ARHGEF18: variants seen among roughly 807,000 people sequenced by gnomAD.
ARHGEF18 encodes the protein rho guanine nucleotide exchange factor 18.
In ARHGEF18, 93 loss-of-function variants were observed where a neutral mutation model predicts 155.7. That is an observed-to-expected ratio of 0.60 (90% CI 0.50 to 0.71). The LOEUF is 0.71. Ranked by LOEUF, ARHGEF18 falls within the 30% of genes least tolerant of loss-of-function variation. ARHGEF18 has a pLI of 0.00. For synonymous variants in ARHGEF18, 742 were observed against 753.1 expected, an observed-to-expected ratio of 0.99 and a Z score of 0.24; for missense variants, 1,593 against 1,816.1, an observed-to-expected ratio of 0.88 and a Z score of 2.23.
At chr19:7,433,507 C>A (rs1158758174) in intron 10 of ARHGEF18, among the ~76,000 whole-genome samples, 10 of 58,306 alleles carry the variant, frequency 1.7e-4, no homozygotes, top group South Asian at 8.1e-4. Context: ...ACTCCGTCTC[C>A]AAAAAAAAAA....
At position 7,468,147 on chromosome 19, in the gene ARHGEF18, G is replaced by A. The variant is rs150150121; in HGVS notation, c.3480+463G>A. On this transcript the variant is annotated intron_variant, in intron 26 of 28. Transcript: ENST00000668164. The stretch of plus-strand genomic sequence containing the variant: ...GCCCGGGAGAATGAGGCTGCCATGA[G>A]CCGTGATCACGCCACTGCACTCCAG... Among the ~76,000 whole-genome samples, 306 of 151,812 alleles carry A rather than the reference G, an allele frequency of 2.0e-3. 5 individuals carry two copies. The South Asian group carries it at 0.024, about 12-fold the overall frequency.
At chr19:7,356,572 C>A (rs1309421478) in intron 1 of ARHGEF18, among the ~76,000 whole-genome samples, 1 of 152,146 alleles carries the variant, frequency 6.6e-6, no homozygotes, top group African/African-American at 2.4e-5. Context: ...GCGCGCCCAG[C>A]CATCAAAGAG....
chr19:7,462,203 A>G lies in ARHGEF18; in HGVS notation c.2504A>G (p.Gln835Arg). 1 of 1,614,036 alleles carries G rather than the reference A, an allele frequency of 6.2e-7. No individual in the cohort carries two copies. Among genetic ancestry groups the G allele is most frequent in the Non-Finnish European group, 8.5e-7 (1 of 1,180,032 alleles). Residue 835 changes from glutamine (Q) to arginine (R), a missense_variant, in exon 21 of 29, where the codon CAG becomes CGG. By Grantham distance (43) the Gln-to-Arg change is conservative. Coordinates refer to ENST00000668164, the MANE Select transcript of ARHGEF18 (RefSeq NM_001367823.1). The surrounding 1 kb of genome is among the most constrained non-coding windows in gnomAD (Gnocchi z 4.4). ...QLIAQSLLEK[Q>R]QIYLEMAEMG... Reference sequence around the variant, plus strand: ...ATCGCACAGAGCCTCCTAGAGAAACAGCAGATCTACCTGGAGATGGCCGAG... The same window carrying G: ...ATCGCACAGAGCCTCCTAGAGAAACGGCAGATCTACCTGGAGATGGCCGAG...
chr19:7,469,907 C>T lies in ARHGEF18; in HGVS notation c.3791C>T (p.Ser1264Phe). 2 of 1,612,886 alleles carry T rather than the reference C, an allele frequency of 1.2e-6. No individual in the cohort carries two copies. Among genetic ancestry groups the T allele is most frequent in the Non-Finnish European group, 1.7e-6 (2 of 1,179,834 alleles). Residue 1264 changes from serine (S) to phenylalanine (F), a missense_variant, in exon 28 of 29, where the codon TCC (serine) becomes TTC (phenylalanine). By Grantham distance (155) the Ser-to-Phe change is radical (BLOSUM62 -2). Coordinates refer to ENST00000668164, the MANE Select transcript of ARHGEF18 (RefSeq NM_001367823.1). ...RGSQRWESSA[S>F]FDLKQQLLLN... ...CCAAATACCTTCTCTCTTCCAGCGT[C>T]CTTCGACCTGAAGCAGCAGCTGCTG...
At chr19:7,406,885 TCTA>T (rs1292455507) in intron 10 of ARHGEF18, among the ~76,000 whole-genome samples, 3 of 148,956 alleles carry the variant, frequency 2.0e-5, no homozygotes, top group Non-Finnish European at 4.5e-5. Flanking sequence ...AAACCCCGTC[TCTA>T]CTAAAAAAAA....
downstream of ARHGEF18, among the ~76,000 whole-genome samples, chr19:7,474,283 A>G (rs1374206903): frequency 1.3e-5 from 2 of 152,076 alleles, no homozygotes; most frequent in African/African-American, 4.8e-5. Flanking sequence ...GGTTGCAGTG[A>G]GCCGAGACTG....
At chr19:7,453,880 G>A (rs1006877626) in intron 17 of ARHGEF18, among the ~76,000 whole-genome samples, 165 bp downstream of exon 17, 1 of 152,062 alleles carries the variant, frequency 6.6e-6, no homozygotes, top group African/African-American at 2.4e-5. Context: ...TCTCTTGATT[G>A]GTGGCACTAT....
At chr19:7,451,103 T>C in intron 15 of ARHGEF18, 46 bp from the exon 16 acceptor site, 1 of 1,471,026 alleles carries the variant, frequency 6.8e-7, no homozygotes, top group Non-Finnish European at 9.1e-7. Flanking sequence ...GATCTTGCTG[T>C]CCGTTTCTGA....
At chr19:7,368,241 C>G (rs1053462354) in intron 2 of ARHGEF18, among the ~76,000 whole-genome samples, 1 of 151,992 alleles carries the variant, frequency 6.6e-6, no homozygotes, top group African/African-American at 2.4e-5. Context: ...GCGTGGTGAG[C>G]CTTTCTGAAG....
At chr19:7,446,944 A>C in intron 14 of ARHGEF18, 99 bp from the exon 15 acceptor site, 1 of 1,414,516 alleles carries the variant, frequency 7.1e-7, no homozygotes, top group South Asian at 1.3e-5. Flanking sequence ...AATTGCAAAT[A>C]AATCTAATAT....
Position 7,440,495 on chromosome 19 carries a change from C to G in ARHGEF18, c.1106+13C>G. 1 of 1,586,186 alleles carries G rather than the reference C, an allele frequency of 6.3e-7. No individual in the cohort carries two copies. On this transcript the variant is annotated intron_variant, in intron 11 of 28. Transcript: ENST00000668164. This position sits in a 1 kb window ranked among gnomAD's most constrained non-coding sequence, Gnocchi z 5.4. ...GGACGCAACTCGGGTAAGCCAGGGT[C>G]CCCTCTGTGCCCTCGGGTGGGTGGT...
rs1478733772 is a variant in ARHGEF18 at position 7,395,339 on chromosome 19, C to G, written c.967+12136C>G. The G allele has an allele frequency of 5.1e-6, 5 of 983,552 alleles. No homozygotes were observed. In the African/African-American group the frequency reaches 8.7e-5, roughly 17 times the overall value. The allele number at this position is 983,552 out of a possible 1,614,324, so 60.9% of individuals were successfully genotyped here. ...GGGGTGGCCTGGGGCGCGGGACCCC[C>G]GGGGCTGCCTCGGGCCTCCCGCCGG... On this transcript the variant is annotated intron_variant, in intron 10 of 28. Transcript: ENST00000668164. This position sits in a 1 kb window ranked among gnomAD's most constrained non-coding sequence, Gnocchi z 5.0.
At chr19:7,437,966 C>A (rs928847812) in intron 10 of ARHGEF18, among the ~76,000 whole-genome samples, 11 of 151,004 alleles carry the variant, frequency 7.3e-5, no homozygotes, top group Non-Finnish European at 7.4e-5. Context: ...TTCTATTTCT[C>A]TTCTCTAAGC....
chr19:7,441,694 T>G lies in ARHGEF18; in HGVS notation c.1148T>G (p.Leu383Ter), dbSNP rs1974654467. 1 of 1,614,110 alleles carries G rather than the reference T, an allele frequency of 6.2e-7. No individual in the cohort carries two copies. Residue 383 changes from leucine (L) to a stop codon, truncating the protein, a stop_gained, in exon 12 of 29, where the codon TTA becomes TGA. Coordinates refer to ENST00000668164, the MANE Select transcript of ARHGEF18 (RefSeq NM_001367823.1). LOFTEE classifies it high-confidence loss of function. Reference protein sequence around the residue: ...GEMDEADSAFLKFKQTADDSL... With the variant: ...GEMDEADSAF Reference sequence around the variant, plus strand: ...ATGGATGAAGCCGATTCTGCGTTTTTAAAATTTAAGCAGACAGCTGATGAC... The same window carrying G: ...ATGGATGAAGCCGATTCTGCGTTTTGAAAATTTAAGCAGACAGCTGATGAC...
chr19:7,469,809 G>A, intron 27 of ARHGEF18, 95 bp from the exon 28 acceptor site: 2 of 1,456,526 alleles, frequency 1.4e-6, no homozygotes, highest in South Asian at 1.3e-5. Context: ...AGTGTCAGGT[G>A]GGGGTGGCCA....
intron 4 of ARHGEF18, 140 bp downstream of exon 4, chr19:7,376,010 T>C (rs1970444299): frequency 3.0e-6 from 3 of 991,586 alleles, no homozygotes; most frequent in Non-Finnish European, 3.9e-6. Context: ...ATCTGTGGTG[T>C]GGCCCGTGCC....
chr19:7,383,590 G>A (rs973769692), intron 10 of ARHGEF18, among the ~76,000 whole-genome samples: 1 of 152,026 alleles, frequency 6.6e-6, no homozygotes, highest in Non-Finnish European at 1.5e-5. Flanking sequence ...TTCATATGAA[G>A]GTGCCAGGAA....
intron 3 of ARHGEF18, among the ~76,000 whole-genome samples, chr19:7,373,463 G>GTTTTTTTTTTTTTTTTTTTTTTT (rs534449492): frequency 1.1e-5 from 1 of 87,174 alleles, no homozygotes. Context: ...TTTTGTGTTT[G>GTTTTTTTTTTTTTTTTTTTTTTT]TTTTTTTTTT....
chr19:7,414,899 G>A (rs1043538182), intron 10 of ARHGEF18, among the ~76,000 whole-genome samples: 1 of 152,128 alleles, frequency 6.6e-6, no homozygotes, highest in Non-Finnish European at 1.5e-5. Context: ...GGTGGCTGAG[G>A]CAAGAGGATC....
Sources: allele counts gnomAD v4.1 joint callset (sites outside exome capture counted in the v4.1 genomes callset), GRCh38; gene constraint gnomAD v4.1.1; non-coding constraint Gnocchi (gnomAD v3.1); transcripts MANE v1.5; gene names NCBI Gene and HGNC (gene_info 2026-07-23, HGNC 2026-07-21).